Variants in DET1 observed in about 807,000 individuals in gnomAD.
The protein encoded by DET1 is DET1 homolog.
DET1 carries 22 observed loss-of-function variants against 43.7 expected under a neutral mutation model. The observed-to-expected ratio is 0.50, with a 90% CI of 0.36 to 0.72. The LOEUF (loss-of-function observed/expected upper bound fraction) is 0.72. Among genes scored for constraint, DET1 ranks in the 30% least tolerant of loss-of-function variants. The pLI is 0.00. For synonymous variants in DET1, 315 were observed against 266.2 expected, an observed-to-expected ratio of 1.18 and a Z score of -1.79; for missense variants, 713 against 713.3, an observed-to-expected ratio of 1.00 and a Z score of 0.00.
chr15:88,536,171 C>G, intron 1 of DET1: 1 of 614,692 alleles, frequency 1.6e-6, no homozygotes, highest in Non-Finnish European at 2.9e-6. Context: ...AGATCTGCCT[C>G]TGTTTCATCA....
At chr15:88,544,619 T>C (rs7175801) in intron 1 of DET1, among the ~76,000 whole-genome samples, 34,432 of 151,994 alleles carry the variant, frequency 0.23, 5,100 homozygotes, top group African/African-American at 0.42. Context: ...ACTCCTGCTT[T>C]GAAAAGACTT....
intron 3 of DET1, among the ~76,000 whole-genome samples, chr15:88,526,226 G>T (rs8043389): frequency 0.73 from 111,326 of 152,172 alleles, 41,737 homozygotes; most frequent in African/African-American, 0.91. Flanking sequence ...TGCATTAAGA[G>T]ATATGTTTTT....
At chr15:88,545,934 A>AT in intron 1 of DET1, among the ~76,000 whole-genome samples, 1 of 151,292 alleles carries the variant, frequency 6.6e-6, no homozygotes, top group Non-Finnish European at 1.5e-5. Context: ...CATCTGATTG[A>AT]TAACACCCAA....
At chr15:88,535,658 A>G (rs1343151721) in intron 1 of DET1, among the ~76,000 whole-genome samples, 1 of 152,146 alleles carries the variant, frequency 6.6e-6, no homozygotes, top group Admixed American at 6.5e-5. Flanking sequence ...CAGGAGGCTG[A>G]GGTGGGAGGA....
At chr15:88,522,537 T>G in intron 3 of DET1, among the ~76,000 whole-genome samples, 1 of 149,158 alleles carries the variant, frequency 6.7e-6, no homozygotes. Flanking sequence ...TGAGTTGGAG[T>G]CTCGTTCTGT....
intron 3 of DET1, 30 bp downstream of exon 3, chr15:88,527,569 A>C (rs1343863998): frequency 4.6e-6 from 7 of 1,538,204 alleles, no homozygotes; most frequent in Non-Finnish European, 6.1e-6. Flanking sequence ...TTCTAAAGAA[A>C]AGACTGTTGA....
chr15:88,525,369 G>C (rs1211229706), intron 3 of DET1, among the ~76,000 whole-genome samples: 3 of 152,196 alleles, frequency 2.0e-5, no homozygotes, highest in African/African-American at 7.2e-5. Flanking sequence ...AAATTCTGAA[G>C]ATCACTGAGC....
At chr15:88,539,449 A>T (rs1231955861) in intron 1 of DET1, among the ~76,000 whole-genome samples, 2 of 31,622 alleles carry the variant, frequency 6.3e-5, no homozygotes, top group African/African-American at 1.4e-4. Context: ...TTGTCTGTCT[A>T]AAAAAAAAAA....
chr15:88,541,420 C>G (rs2057103135), intron 1 of DET1, among the ~76,000 whole-genome samples: 1 of 150,976 alleles, frequency 6.6e-6, no homozygotes, highest in Admixed American at 6.6e-5. Flanking sequence ...CCCCTTATTT[C>G]TTTCTCTATA....
chr15:88,543,168 A>T (rs2057156962), intron 1 of DET1, among the ~76,000 whole-genome samples: 1 of 152,144 alleles, frequency 6.6e-6, no homozygotes, highest in Non-Finnish European at 1.5e-5. Context: ...AGAGCCAGGG[A>T]ATTGCTAAGG....
rs570267284 is a variant in DET1, at chr15:88,542,811, A to T, written c.-11+3729T>A. Among the ~76,000 whole-genome samples, 3 of 152,184 alleles carry T rather than the reference A, an allele frequency of 2.0e-5. No homozygotes were observed. In the East Asian group the frequency reaches 5.8e-4, roughly 29 times the overall value. ...TGGGTTCCCACCAGAAAAGTAAAAGAGGTGAACAGGCCTCTCTAGGAAAAG... is the reference window on the plus strand; with the variant it reads ...TGGGTTCCCACCAGAAAAGTAAAAGTGGTGAACAGGCCTCTCTAGGAAAAG... On this transcript the variant is annotated intron_variant, in intron 1 of 4. Coordinates refer to ENST00000268148, the MANE Select transcript of DET1 (RefSeq NM_001144074.3).
chr15:88,534,537 A>C (rs1408169632), intron 1 of DET1, among the ~76,000 whole-genome samples: 1 of 152,204 alleles, frequency 6.6e-6, no homozygotes, highest in Non-Finnish European at 1.5e-5. Flanking sequence ...ACCAGAAGGT[A>C]CTGGGGAGAT....
At chr15:88,513,265 T>C in intron 4 of DET1, 125 bp from the exon 5 acceptor site, 1 of 987,148 alleles carries the variant, frequency 1.0e-6, no homozygotes, top group Non-Finnish European at 1.5e-6. Context: ...AAATCGCCTC[T>C]TATATCAGCC....
chr15:88,542,634 C>G (rs1271896405), intron 1 of DET1, among the ~76,000 whole-genome samples: 3 of 152,018 alleles, frequency 2.0e-5, no homozygotes, highest in African/African-American at 4.8e-5. Context: ...AGGTTTTTGA[C>G]AATCGAGAGT....
intron 1 of DET1, among the ~76,000 whole-genome samples, chr15:88,539,244 C>T (rs1046545639): frequency 9.9e-5 from 15 of 151,936 alleles, no homozygotes; most frequent in African/African-American, 3.1e-4. Context: ...AGCTCCACGG[C>T]GAAAGCTACA....
At chr15:88,538,102 G>T (rs71403940) in intron 1 of DET1, among the ~76,000 whole-genome samples, 2 of 152,180 alleles carry the variant, frequency 1.3e-5, no homozygotes, top group Non-Finnish European at 2.9e-5. Context: ...TTTATGGAAC[G>T]AAAGAAGAAA....
intron 2 of DET1, 143 bp from the exon 3 acceptor site, chr15:88,527,929 A>G: frequency 1.8e-6 from 1 of 543,296 alleles, no homozygotes; most frequent in African/African-American, 2.0e-5. Context: ...ACAAGCAAAC[A>G]CCTCGGCTTT....
rs2056826324 is a variant in DET1, at chr15:88,531,937, A to G, written c.-10-222T>C. 1.2e-5 allele frequency: 6 copies of G among 521,208 alleles called. No homozygotes were observed. Among genetic ancestry groups the G allele is most frequent in the Non-Finnish European group, 2.0e-5 (6 of 298,230 alleles). The allele number at this position is 521,208 out of a possible 1,614,324, so 32.3% of individuals were successfully genotyped here. A position where few individuals can be genotyped will look rare whatever the true frequency, so the allele number is the denominator to read the frequency against. On this transcript the variant is annotated intron_variant, in intron 1 of 4. Coordinates refer to ENST00000268148, the MANE Select transcript of DET1 (RefSeq NM_001144074.3). The surrounding 1 kb of genome is among the most constrained non-coding windows in gnomAD (Gnocchi z 6.2). ...GGGAAGGATCTAGTTCACTAGGAAT[A>G]CCTTCCAAGTATGCTCAGCTGTTGG... is the stretch of plus-strand genomic sequence containing the variant.
At chr15:88,510,088 AG>A (rs1328062803), downstream of DET1, among the ~76,000 whole-genome samples, 5 of 152,168 alleles carry the variant, frequency 3.3e-5, no homozygotes, top group African/African-American at 1.2e-4. Context: ...AACCTGAGTC[AG>A]GGATTGGAGG....
Sources: allele counts gnomAD v4.1 joint callset (sites outside exome capture counted in the v4.1 genomes callset), GRCh38; gene constraint gnomAD v4.1.1; non-coding constraint Gnocchi (gnomAD v3.1); transcripts MANE v1.5; gene names NCBI Gene and HGNC (gene_info 2026-07-23, HGNC 2026-07-21).